PRKAR1B: variants seen among roughly 807,000 people sequenced by gnomAD.
The protein encoded by PRKAR1B is protein kinase cAMP-dependent type I regulatory subunit beta.
In PRKAR1B, 22 loss-of-function variants were observed where a neutral mutation model predicts 46.5. The ratio of observed to expected loss-of-function variants is 0.47; its 90% confidence interval spans 0.34 to 0.68. The LOEUF is 0.68. Among genes scored for constraint, PRKAR1B ranks in the 30% least tolerant of loss-of-function variants. The probability of loss-of-function intolerance (pLI) is 0.01; values close to 1 mark genes in which losing one functional copy is unlikely to be tolerated. For synonymous variants in PRKAR1B, 259 were observed against 217.7 expected, an observed-to-expected ratio of 1.19 and a Z score of -1.67; for missense variants, 445 against 535.6, an observed-to-expected ratio of 0.83 and a Z score of 1.67.
intron 2 of PRKAR1B, among the ~76,000 whole-genome samples, chr7:710,479 G>C (rs535698352): frequency 2.0e-4 from 31 of 152,160 alleles, no homozygotes; most frequent in African/African-American, 5.3e-4. Context: ...GGCCAGGAAG[G>C]GGGTGAGAGG....
chr7:589,692 G>C (rs567477313), intron 7 of PRKAR1B, among the ~76,000 whole-genome samples: 16 of 152,322 alleles, frequency 1.1e-4, no homozygotes, highest in African/African-American at 3.8e-4. Context: ...ACACTGTCCT[G>C]GAGACAACAA....
At chr7:684,418 A>G (rs1273703343) in intron 2 of PRKAR1B, among the ~76,000 whole-genome samples, 1 of 152,250 alleles carries the variant, frequency 6.6e-6, no homozygotes, top group Non-Finnish European at 1.5e-5. Flanking sequence ...ACAGCAAAAT[A>G]AAAATATATG....
chr7:614,679 A>T (rs995246513), intron 4 of PRKAR1B, among the ~76,000 whole-genome samples: 2 of 152,188 alleles, frequency 1.3e-5, no homozygotes, highest in Non-Finnish European at 2.9e-5. Flanking sequence ...TGGGAGGCCG[A>T]AGCAGGCAGA....
chr7:668,871 G>T (rs545174832), intron 4 of PRKAR1B, among the ~76,000 whole-genome samples: 1 of 152,130 alleles, frequency 6.6e-6, no homozygotes, highest in Non-Finnish European at 1.5e-5. Context: ...CCACCAAGAG[G>T]GCACAGAAAG....
intron 6 of PRKAR1B, among the ~76,000 whole-genome samples, chr7:601,395 C>T (rs139271009): frequency 0.026 from 4,026 of 152,296 alleles, 165 homozygotes; most frequent in African/African-American, 0.092. Context: ...GCCATGCGGC[C>T]GTTCCCCCGG....
Position 550,588 on chromosome 7 carries a change from G to C in PRKAR1B, c.988C>G (p.Leu330Val). 6.3e-7 allele frequency: 1 copy of C among 1,585,068 alleles called. No homozygotes were observed. The highest frequency in any genetic ancestry group is 1.1e-5 in the South Asian group (1 of 87,170). The change falls in exon 11 of 11, where the codon CTG becomes GTG. Residue 330 changes from leucine (L) to valine (V), a missense_variant. By Grantham distance (32) the Leu-to-Val change is conservative. Around this residue, in one of 5 missense-constraint regions of PRKAR1B, gnomAD observed 127 missense variants for 138.0 expected, o/e 0.92. Coordinates refer to ENST00000537384, the MANE Select transcript of PRKAR1B (RefSeq NM_001164760.2). ...PSDYFGEIAL[L>V]LNRPRAATVV... is the part of the protein sequence containing the mutation. ...GTGGCCGCCCGGGGCCGGTTCAGCA[G>C]CAGTGCAATCTCCCCTGGGGGTTGA... is the stretch of plus-strand genomic sequence containing the variant.
intron 2 of PRKAR1B, among the ~76,000 whole-genome samples, chr7:694,483 G>C (rs1328825384): frequency 6.6e-6 from 1 of 152,076 alleles, no homozygotes; most frequent in Non-Finnish European, 1.5e-5. Flanking sequence ...GCTTGCCAAG[G>C]AGAGAAGGAT....
At chr7:665,574 G>T (rs1174966992) in intron 4 of PRKAR1B, among the ~76,000 whole-genome samples, 4 of 152,248 alleles carry the variant, frequency 2.6e-5, no homozygotes, top group Non-Finnish European at 5.9e-5. Flanking sequence ...CCTCTGCTGA[G>T]ATCCAGCTGG....
chr7:597,132 T>A (rs1237929558), intron 6 of PRKAR1B, among the ~76,000 whole-genome samples: 2 of 152,280 alleles, frequency 1.3e-5, no homozygotes, highest in Non-Finnish European at 2.9e-5. Flanking sequence ...ACACGCTTTA[T>A]CCCCTCTGGG....
chr7:609,215 G>A (rs755509025), intron 4 of PRKAR1B, among the ~76,000 whole-genome samples: 18 of 152,170 alleles, frequency 1.2e-4, no homozygotes, highest in South Asian at 2.1e-4. Context: ...TGCAGGAGCC[G>A]CCCTGGCACC....
At chr7:610,575 G>A (rs1782423772) in intron 4 of PRKAR1B, among the ~76,000 whole-genome samples, 1 of 152,168 alleles carries the variant, frequency 6.6e-6, no homozygotes, top group Admixed American at 6.5e-5. Flanking sequence ...ATGCCCGAAT[G>A]TCACCAGCTC....
intron 9 of PRKAR1B, among the ~76,000 whole-genome samples, chr7:576,754 C>T (rs929613758): frequency 6.6e-6 from 1 of 151,836 alleles, no homozygotes; most frequent in Non-Finnish European, 1.5e-5. Context: ...CCAGATCTTT[C>T]CTTATGGTAG....
chr7:638,572 CCTG>C (rs140366802), intron 4 of PRKAR1B, among the ~76,000 whole-genome samples: 4,819 of 152,238 alleles, frequency 0.032, 95 homozygotes, highest in African/African-American at 0.047. Context: ...GCCAGCCAGC[CCTG>C]CTAAGAACAT....
chr7:679,171 G>C (rs2128506569), intron 3 of PRKAR1B, among the ~76,000 whole-genome samples: 1 of 152,320 alleles, frequency 6.6e-6, no homozygotes, highest in Middle Eastern at 3.4e-3. Context: ...GCACCTTGCA[G>C]TTCCCTGATG....
intron 2 of PRKAR1B, among the ~76,000 whole-genome samples, chr7:703,564 G>A (rs1449381374): frequency 6.6e-6 from 1 of 151,768 alleles, no homozygotes; most frequent in Non-Finnish European, 1.5e-5. Flanking sequence ...GCTGAGGCAG[G>A]AGAATGGCAC....
chr7:563,498 C>T (rs533531956), intron 9 of PRKAR1B, among the ~76,000 whole-genome samples: 1 of 152,382 alleles, frequency 6.6e-6, no homozygotes, highest in Non-Finnish European at 1.5e-5. Context: ...CAGGGGGCCC[C>T]AAGCTGCTTC....
rs1337457288 is a variant in PRKAR1B, at chr7:584,526, T to G, written c.751A>C (p.Ser251Arg). The G allele has an allele frequency of 6.2e-7, 1 of 1,613,970 alleles. No individual in the cohort carries two copies. The highest frequency in any genetic ancestry group is 1.7e-5 in the Admixed American group (1 of 60,022). ...CACTGACCTAGGATGGAGACCTTGCTGAGGAACTCCTCGTACATCTTGCGT... is the reference window on the plus strand; with the variant it reads ...CACTGACCTAGGATGGAGACCTTGCGGAGGAACTCCTCGTACATCTTGCGT... The part of the protein sequence containing the change: ...RKRKMYEEFL[S>R]KVSILESLEK... The change falls in exon 8 of 11, where the codon AGC becomes CGC. Residue 251 changes from serine to arginine, a missense_variant. Around this residue, in one of 5 missense-constraint regions of PRKAR1B, gnomAD observed 51 missense variants for 85.1 expected, o/e 0.60. Transcript: ENST00000537384.
chr7:723,394 G>C (rs1781140296), intron 1 of PRKAR1B, among the ~76,000 whole-genome samples: 1 of 152,106 alleles, frequency 6.6e-6, no homozygotes, highest in South Asian at 2.1e-4. Flanking sequence ...GCTTCCCTGG[G>C]GACTAGTGCA....
chr7:687,720 A>T (rs1779166771), intron 2 of PRKAR1B, among the ~76,000 whole-genome samples: 1 of 152,150 alleles, frequency 6.6e-6, no homozygotes, highest in African/African-American at 2.4e-5. Context: ...AAGAACACAA[A>T]CTCCCACACA....
Sources: gnomAD v4.1 joint callset for allele counts (sites outside exome capture counted in the v4.1 genomes callset) on GRCh38, gnomAD v4.1.1 for gene constraint, gnomAD v4.1.1 regional missense constraint, MANE v1.5 for transcripts, NCBI Gene and HGNC (gene_info 2026-07-23, HGNC 2026-07-21) for gene names.